The following COMMD1 variants were observed in gnomAD, a reference collection of about 807,000 sequenced individuals.
The protein encoded by COMMD1 is copper metabolism domain containing 1, also known as COMM domain-containing protein 1.
In COMMD1, 10 loss-of-function variants were observed where a neutral mutation model predicts 17.2. The ratio of observed to expected loss-of-function variants is 0.58; its 90% CI spans 0.36 to 0.99. The LOEUF is 0.99. COMMD1 is among the 50% of genes least tolerant of loss of function. The pLI is 0.01. For missense variants in COMMD1, 270 were observed against 231.8 expected, an observed-to-expected ratio of 1.17 and a Z score of -1.07; for synonymous variants, 97 against 91.6, an observed-to-expected ratio of 1.06 and a Z score of -0.34.
At chr2:62,021,978 T>A (rs1669623786) in intron 2 of COMMD1, among the ~76,000 whole-genome samples, 1 of 101,406 alleles carries the variant, frequency 9.9e-6, no homozygotes, top group African/African-American at 4.1e-5. Context: ...CAAAGGTTTT[T>A]AATTTTTATA....
chr2:62,084,450 T>A (rs1671605177), intron 2 of COMMD1, among the ~76,000 whole-genome samples: 1 of 152,158 alleles, frequency 6.6e-6, no homozygotes, highest in Admixed American at 6.5e-5. Flanking sequence ...TAGAAGTAGA[T>A]CCTCATAAAG....
chr2:61,898,878 C>G lies in COMMD1; in HGVS notation n.119+10036C>G, dbSNP rs189771337. Among the ~76,000 whole-genome samples the G allele has an allele frequency of 6.1e-4, 93 of 152,262 alleles. 1 individual carries two copies. The highest frequency in any genetic ancestry group is 2.1e-3 in the African/African-American group (88 of 41,546). ...ATAGGCCTATACCCAGCTTTGTTAT[C>G]TACAAAATAGGTTGTTTTGAGAGTT... On this transcript the variant is annotated intron_variant and non_coding_transcript_variant, in intron 1 of 2. Transcript: ENST00000472729.
At chr2:62,089,286 T>G (rs1432376414) in intron 2 of COMMD1, among the ~76,000 whole-genome samples, 1 of 151,536 alleles carries the variant, frequency 6.6e-6, no homozygotes, top group African/African-American at 2.4e-5. Flanking sequence ...CTTTCTTTTT[T>G]TTTTTTTTTT....
chr2:62,112,419 A>C (rs984172353), intron 2 of COMMD1, among the ~76,000 whole-genome samples: 1 of 152,240 alleles, frequency 6.6e-6, no homozygotes, highest in South Asian at 2.1e-4. Flanking sequence ...TCTCCGGAAC[A>C]ATGTCAGGCC....
intron 2 of COMMD1, among the ~76,000 whole-genome samples, chr2:62,066,194 T>G (rs1440844199): frequency 6.6e-6 from 1 of 152,196 alleles, no homozygotes; most frequent in Non-Finnish European, 1.5e-5. Context: ...AATCTTACCG[T>G]TATTTCCTAA....
In COMMD1 at chr2:61,954,343, A is replaced by G. The variant is rs59346270; in HGVS notation, c.181-46358A>G. On this transcript the variant is annotated intron_variant, in intron 1 of 2. Transcript: ENST00000311832. ...GAAAGAAGTTTGGTAGGAGTATAAC[A>G]TTTTGTATACAAGGCTGGTTTATGA... Among the ~76,000 whole-genome samples the G allele has an allele frequency of 9.2e-5, 14 of 152,292 alleles. No homozygotes were observed. In the East Asian group the frequency reaches 2.7e-3, roughly 29 times the overall value.
At chr2:61,964,211 A>G (rs1256528920) in intron 1 of COMMD1, among the ~76,000 whole-genome samples, 2 of 151,870 alleles carry the variant, frequency 1.3e-5, no homozygotes, top group African/African-American at 4.8e-5. Context: ...CTCTCATCTC[A>G]TTCCCTATAT....
At chr2:61,993,822 G>A (rs1668663531) in intron 1 of COMMD1, among the ~76,000 whole-genome samples, 1 of 152,128 alleles carries the variant, frequency 6.6e-6, no homozygotes, top group South Asian at 2.1e-4. Context: ...TGTCACAGAT[G>A]AAATTATATC....
chr2:61,933,482 T>A lies in COMMD1; in HGVS notation c.180+27624T>A, dbSNP rs527306595. Among the ~76,000 whole-genome samples the A allele has an allele frequency of 1.1e-4, 17 of 151,480 alleles. No individual in the cohort carries two copies. The South Asian group carries it at 3.1e-3, about 28-fold the overall frequency. ...AGTGCAGAGGTTCCAGGCTTAAGGG[T>A]GGGGTTTAGCCGGAGCCCAGCCCTT... On this transcript the variant is annotated intron_variant, in intron 1 of 2. Transcript: ENST00000311832.
chr2:62,024,672 T>C (rs1172945885), intron 2 of COMMD1, among the ~76,000 whole-genome samples: 1 of 152,224 alleles, frequency 6.6e-6, no homozygotes, highest in Non-Finnish European at 1.5e-5. Flanking sequence ...AAATATGTAA[T>C]GTAATGTTAC....
intron 1 of COMMD1, among the ~76,000 whole-genome samples, chr2:61,969,730 T>A (rs1329634972): frequency 6.6e-6 from 1 of 152,196 alleles, no homozygotes; most frequent in Admixed American, 6.5e-5. Flanking sequence ...CTTTCTGATA[T>A]TCTTAATTAC....
chr2:62,013,648 G>A (rs569572043), intron 2 of COMMD1, among the ~76,000 whole-genome samples: 1 of 152,334 alleles, frequency 6.6e-6, no homozygotes, highest in African/African-American at 2.4e-5. Flanking sequence ...CAGGTAGAGT[G>A]TAGGTTTTGA....
intron 2 of COMMD1, among the ~76,000 whole-genome samples, chr2:62,135,344 C>T (rs1434492963): frequency 6.6e-6 from 1 of 151,552 alleles, no homozygotes; most frequent in African/African-American, 2.4e-5. Context: ...GAAACACCAT[C>T]ATAAAAGCAC....
chr2:61,896,864 C>T (rs1296069828), intron 1 of COMMD1, among the ~76,000 whole-genome samples: 2 of 148,762 alleles, frequency 1.3e-5, no homozygotes, highest in Non-Finnish European at 3.0e-5. Context: ...TGCTCTGTCG[C>T]CCAGGCTGGA....
chr2:61,900,335 T>C (rs958450294), intron 1 of COMMD1, among the ~76,000 whole-genome samples: 1 of 152,206 alleles, frequency 6.6e-6, no homozygotes, highest in Non-Finnish European at 1.5e-5. Context: ...TAATTTGCAA[T>C]TGGTTAAAGT....
chr2:61,958,190 C>G (rs1671244409), intron 1 of COMMD1, among the ~76,000 whole-genome samples: 2 of 151,944 alleles, frequency 1.3e-5, no homozygotes, highest in Non-Finnish European at 2.9e-5. Context: ...ACTCTCTACC[C>G]TCTGACAGGC....
chr2:61,951,911 A>G (rs915204540), intron 1 of COMMD1, among the ~76,000 whole-genome samples: 1 of 152,178 alleles, frequency 6.6e-6, no homozygotes, highest in East Asian at 1.9e-4. Flanking sequence ...TTGTCTAGCT[A>G]CCTTCACTCA....
chr2:62,134,795 A>G (rs1391537322), intron 2 of COMMD1, among the ~76,000 whole-genome samples: 2 of 152,108 alleles, frequency 1.3e-5, no homozygotes, highest in Non-Finnish European at 2.9e-5. Flanking sequence ...GATATCTACC[A>G]TCTACCTAAC....
chr2:62,076,616 G>A (rs1414070002), intron 2 of COMMD1, among the ~76,000 whole-genome samples: 2 of 152,096 alleles, frequency 1.3e-5, no homozygotes, highest in African/African-American at 4.8e-5. Flanking sequence ...GCATGGTGGT[G>A]GGCACCTGTA....
Sources: allele counts gnomAD v4.1 joint callset (sites outside exome capture counted in the v4.1 genomes callset), GRCh38; gene constraint gnomAD v4.1.1; transcripts MANE v1.5; gene names NCBI Gene and HGNC (gene_info 2026-07-23, HGNC 2026-07-21).